Variants in RAPH1 observed in about 807,000 individuals in gnomAD.
The protein encoded by RAPH1 is Ras association (RalGDS/AF-6) and pleckstrin homology domains 1, also known as ras-associated and pleckstrin homology domains-containing protein 1.
In RAPH1, 18 loss-of-function variants were observed where a neutral mutation model predicts 88.1. The ratio of observed to expected loss-of-function variants is 0.20; its 90% CI spans 0.14 to 0.30. RAPH1 has a LOEUF of 0.30. Ranked by LOEUF, RAPH1 falls within the 10% of genes least tolerant of loss-of-function variation. The pLI, the probability that RAPH1 is intolerant of heterozygous loss-of-function variation, is 1.00. For synonymous variants in RAPH1, 587 were observed against 559.0 expected (o/e 1.05, Z -0.71); for missense variants, 1,448 against 1,543.2 (o/e 0.94, Z 1.03).
intron 4 of RAPH1, among the ~76,000 whole-genome samples, chr2:203,468,609 T>C (rs540408577): frequency 4.2e-4 from 64 of 151,982 alleles, no homozygotes; most frequent in African/African-American, 1.4e-3. Context: ...CACTGTTTAT[T>C]ATCTATCTTC....
chr2:203,506,854 ATC>A (rs200424897), intron 1 of RAPH1, among the ~76,000 whole-genome samples: 2,452 of 60,256 alleles, frequency 0.041, 443 homozygotes, highest in African/African-American at 0.15. Flanking sequence ...ATCTATCTAT[ATC>A]TATATATATA....
At chr2:203,519,584 G>C (rs1689773488) in intron 1 of RAPH1, among the ~76,000 whole-genome samples, 2 of 152,054 alleles carry the variant, frequency 1.3e-5, no homozygotes, top group East Asian at 3.9e-4. Flanking sequence ...CTAAGATCAG[G>C]AACAAGATAA....
chr2:203,453,125 C>A (rs1444381526), intron 10 of RAPH1, among the ~76,000 whole-genome samples: 1 of 152,158 alleles, frequency 6.6e-6, no homozygotes, highest in Non-Finnish European at 1.5e-5. Flanking sequence ...TCTCAGGAGA[C>A]TGTGGACCTC....
intron 13 of RAPH1, chr2:203,442,775 T>C (rs551174746): frequency 7.2e-5 from 11 of 152,234 alleles, no homozygotes; most frequent in Non-Finnish European, 1.5e-4. Flanking sequence ...TAACGGACTT[T>C]GCTGCTTAAT....
chr2:203,439,631 G>T lies in RAPH1; in HGVS notation c.3559C>A (p.Arg1187Ser). 6.2e-7 allele frequency: 1 copy of T among 1,614,120 alleles called. No individual in the cohort carries two copies. Among genetic ancestry groups the T allele is most frequent in the Non-Finnish European group, 8.5e-7 (1 of 1,180,008 alleles). The change falls in exon 14 of 14, where the codon CGC (arginine) becomes AGC (serine). Residue 1187 changes from arginine to serine, a missense_variant. Coordinates refer to ENST00000319170, the MANE Select transcript of RAPH1 (RefSeq NM_213589.3). Reference sequence around the variant, plus strand: ...GCTGTTGGTTCTGCTCTGGACATGCGGGAGGAGAGTGAGCCGTGCCGAGTG... The same window carrying T: ...GCTGTTGGTTCTGCTCTGGACATGCTGGAGGAGAGTGAGCCGTGCCGAGTG... ...SITRHGSLSSRMSRAEPTATM... is the reference protein window; with the variant it reads ...SITRHGSLSSSMSRAEPTATM...
intron 1 of RAPH1, among the ~76,000 whole-genome samples, chr2:203,503,478 T>C (rs1361751088): frequency 5.9e-5 from 9 of 152,124 alleles, no homozygotes; most frequent in Admixed American, 5.9e-4. Context: ...ATCACAAGAT[T>C]AGCACAAGAA....
chr2:203,443,758 T>A (rs1460170805), intron 13 of RAPH1: 2 of 151,976 alleles, frequency 1.3e-5, no homozygotes, highest in Admixed American at 6.6e-5. Flanking sequence ...GGCAGGAGGA[T>A]CGCTTGAGGC....
intron 1 of RAPH1, chr2:203,533,454 G>A (rs911717736): frequency 6.6e-6 from 1 of 152,112 alleles, no homozygotes; most frequent in African/African-American, 2.4e-5. Context: ...CTCAACAAGA[G>A]TTAAAAGCTA....
At chr2:203,518,705 G>T (rs1431930822) in intron 1 of RAPH1, among the ~76,000 whole-genome samples, 1 of 151,946 alleles carries the variant, frequency 6.6e-6, no homozygotes, top group Admixed American at 6.6e-5. Flanking sequence ...AAAATTAGCT[G>T]AGTATGATAG....
Position 203,441,200 on chromosome 2 carries a change from A to G in RAPH1, c.1990T>C (p.Phe664Leu). The G allele has an allele frequency of 6.5e-7, 1 of 1,540,808 alleles. No homozygotes were observed. The highest frequency in any genetic ancestry group is 8.8e-7 in the Non-Finnish European group (1 of 1,135,534). The change falls in exon 14 of 14, where the codon TTC becomes CTC. Residue 664 changes from phenylalanine to leucine, a missense_variant. Coordinates refer to ENST00000319170, the MANE Select transcript of RAPH1 (RefSeq NM_213589.3). ...CGTGTTATTGTGCTGTACTTGACGA[A>G]CATTGGGGCTGCTGAGCCTGCAGAA... is the stretch of plus-strand genomic sequence containing the variant. ...APSAGSAAPM[F>L]VKYSTITRLQ...
intron 1 of RAPH1, among the ~76,000 whole-genome samples, chr2:203,525,849 A>G (rs1002400700): frequency 2.0e-5 from 3 of 152,192 alleles, no homozygotes; most frequent in African/African-American, 7.2e-5. Flanking sequence ...TGATTTAATT[A>G]ATACAAAGTT....
At chr2:203,452,990 C>T (rs2098516133) in intron 10 of RAPH1, among the ~76,000 whole-genome samples, 1 of 151,996 alleles carries the variant, frequency 6.6e-6, no homozygotes, top group African/African-American at 2.4e-5. Context: ...CGTGAAGATA[C>T]CATCACATGT....
At chr2:203,492,373 T>G (rs1161228163) in intron 2 of RAPH1, among the ~76,000 whole-genome samples, 2 of 152,194 alleles carry the variant, frequency 1.3e-5, no homozygotes, top group East Asian at 3.8e-4. Context: ...TTTAAAATTA[T>G]TAAGACCCAA....
At chr2:203,466,510 A>G (rs1413410138) in intron 4 of RAPH1, among the ~76,000 whole-genome samples, 1 of 152,228 alleles carries the variant, frequency 6.6e-6, no homozygotes, top group Non-Finnish European at 1.5e-5. Context: ...TAGTTTATTT[A>G]TAAAGGCAAT....
intron 10 of RAPH1, among the ~76,000 whole-genome samples, chr2:203,452,792 A>G (rs1379218174): frequency 6.6e-6 from 1 of 152,164 alleles, no homozygotes; most frequent in African/African-American, 2.4e-5. Flanking sequence ...TCCTAAAAAT[A>G]CAAAAATTAA....
intron 4 of RAPH1, among the ~76,000 whole-genome samples, chr2:203,478,261 C>A (rs956573095): frequency 1.3e-5 from 2 of 152,002 alleles, no homozygotes; most frequent in Non-Finnish European, 2.9e-5. Context: ...GTCTCAATCT[C>A]CTGACCTCGT....
intron 2 of RAPH1, among the ~76,000 whole-genome samples, chr2:203,493,076 G>C (rs894628579): frequency 6.6e-6 from 1 of 152,192 alleles, no homozygotes; most frequent in African/African-American, 2.4e-5. Context: ...CACAAACTTT[G>C]TAAAGTCAAA....
At chr2:203,494,295 A>C (rs1471219201) in intron 2 of RAPH1, among the ~76,000 whole-genome samples, 1 of 152,156 alleles carries the variant, frequency 6.6e-6, no homozygotes. Flanking sequence ...AGTTAAATTT[A>C]TTTAATAAAC....
intron 1 of RAPH1, among the ~76,000 whole-genome samples, chr2:203,527,217 T>A (rs968724983): frequency 2.6e-5 from 4 of 152,184 alleles, no homozygotes; most frequent in Non-Finnish European, 4.4e-5. Context: ...TTAATCCTTA[T>A]CTTAATACAC....
Sources: gnomAD v4.1 joint callset for allele counts (sites outside exome capture counted in the v4.1 genomes callset) on GRCh38, gnomAD v4.1.1 for gene constraint, MANE v1.5 for transcripts, NCBI Gene and HGNC (gene_info 2026-07-23, HGNC 2026-07-21) for gene names.